Variants in DYNC2H1 observed in about 807,000 individuals in gnomAD.
The protein encoded by DYNC2H1 is dynein cytoplasmic 2 heavy chain 1, also known as cytoplasmic dynein 2 heavy chain 1.
Under a neutral mutation model 570.0 loss-of-function variants are expected in DYNC2H1, and 410 were observed. The ratio of observed to expected loss-of-function variants is 0.72; its 90% confidence interval spans 0.66 to 0.78. The LOEUF is 0.78. Ranked by LOEUF, DYNC2H1 falls within the 30% of genes least tolerant of loss-of-function variation. DYNC2H1 has a pLI of 0.00. For missense variants in DYNC2H1, 4,865 were observed against 5,046.4 expected (o/e 0.96, Z 1.09); for synonymous variants, 1,688 against 1,677.6 (o/e 1.01, Z -0.15).
Position 103,220,773 on chromosome 11 carries a change from A to T in DYNC2H1, c.9097A>T (p.Ser3033Cys), listed in dbSNP as rs1372583837. Residue 3033 changes from serine (S) to cysteine (C), a missense_variant, in exon 57 of 89, where the codon AGC becomes TGC. Transcript: ENST00000375735. ...LMGIFDTSWV[S>C]MKSFLAKRGV... ...GGGTATCTTTGATACATCTTGGGTG[A>T]GCATGAAAAGGTACATTTTTCAATT... is the stretch of plus-strand genomic sequence containing the variant. 1 of 1,601,478 alleles carries T rather than the reference A, an allele frequency of 6.2e-7. No homozygotes were observed. The highest frequency in any genetic ancestry group is 1.7e-5 in the Admixed American group (1 of 57,780).
At chr11:103,338,681 T>C (rs548141912) in intron 82 of DYNC2H1, among the ~76,000 whole-genome samples, 1 of 152,370 alleles carries the variant, frequency 6.6e-6, no homozygotes, top group African/African-American at 2.4e-5. Context: ...TTAAAAATTA[T>C]ATGAATCTCT....
At chr11:103,449,680 CTTAA>C (rs1020096280) in intron 85 of DYNC2H1, among the ~76,000 whole-genome samples, 1 of 137,930 alleles carries the variant, frequency 7.3e-6, no homozygotes, top group Non-Finnish European at 1.6e-5. Flanking sequence ...CATTATTATT[CTTAA>C]TTAGAATATT....
chr11:103,312,517 G>C (rs1239757020), intron 79 of DYNC2H1, among the ~76,000 whole-genome samples: 3 of 137,790 alleles, frequency 2.2e-5, no homozygotes, highest in African/African-American at 8.1e-5. Context: ...ATTCCAGCCT[G>C]GGTGACAGAA....
intron 18 of DYNC2H1, among the ~76,000 whole-genome samples, chr11:103,147,182 T>C (rs922799661): frequency 9.2e-5 from 14 of 152,218 alleles, no homozygotes; most frequent in Non-Finnish European, 1.6e-4. Flanking sequence ...TGTACATTGC[T>C]CTTTACAAAG....
At chr11:103,274,821 G>A (rs1309109099) in intron 70 of DYNC2H1, among the ~76,000 whole-genome samples, 2 of 152,138 alleles carry the variant, frequency 1.3e-5, no homozygotes, top group African/African-American at 2.4e-5. Context: ...TAGGCTGGGC[G>A]TGGTGGCTCA....
chr11:103,282,324 T>C, intron 72 of DYNC2H1, 95 bp downstream of exon 72: 1 of 1,071,158 alleles, frequency 9.3e-7, no homozygotes, highest in Non-Finnish European at 1.4e-6. Flanking sequence ...TGTTCTAAAT[T>C]ATTGTTGAAG....
At chr11:103,445,281 G>T (rs1004007554) in intron 85 of DYNC2H1, among the ~76,000 whole-genome samples, 1 of 152,164 alleles carries the variant, frequency 6.6e-6, no homozygotes, top group African/African-American at 2.4e-5. Context: ...TCAGCATTTA[G>T]TATATGAAAC....
In DYNC2H1 at chr11:103,168,908, C is replaced by A. The variant is rs200239560; in HGVS notation, c.4916C>A (p.Thr1639Lys). The A allele has an allele frequency of 3.2e-4, 518 of 1,612,610 alleles. No individual in the cohort carries two copies. The highest frequency in any genetic ancestry group is 4.2e-4 in the Non-Finnish European group (497 of 1,179,376). ...AGATTCTATATGAAAAGTGATCATA[C>A]ATGTTGTGTTCAAATGGTGGATTCT... ...QLRFYMKSDH[T>K]CCVQMVDSEF... The change falls in exon 32 of 89, where the codon ACA becomes AAA. Residue 1639 changes from threonine (T) to lysine (K), a missense_variant. Transcript: ENST00000375735.
intron 69 of DYNC2H1, among the ~76,000 whole-genome samples, chr11:103,258,843 G>A (rs1161458858): frequency 6.6e-6 from 1 of 152,140 alleles, no homozygotes; most frequent in African/African-American, 2.4e-5. Context: ...GATCTTGTAG[G>A]TACAGTACTG....
chr11:103,438,338 A>G (rs115411348), intron 85 of DYNC2H1, among the ~76,000 whole-genome samples: 126 of 152,138 alleles, frequency 8.3e-4, no homozygotes, highest in African/African-American at 2.9e-3. Context: ...TCTCTGTTTC[A>G]CAAGTACATA....
At chr11:103,316,429 C>T (rs1937845190) in intron 79 of DYNC2H1, 116 bp from the exon 80 acceptor site, 1 of 629,610 alleles carries the variant, frequency 1.6e-6, no homozygotes, top group Non-Finnish European at 2.5e-6. Context: ...TAAAAATTCT[C>T]AGGAGTTATA....
Position 103,134,425 on chromosome 11 carries a change from G to C in DYNC2H1, c.2205+6G>C. Reference sequence around the variant, plus strand: ...TAGCAACTGTAGAAGCACAGGTAGAGTATGTTTTATTTTGTGTGTATACTT... The same window carrying C: ...TAGCAACTGTAGAAGCACAGGTAGACTATGTTTTATTTTGTGTGTATACTT... On this transcript the variant is annotated splice_donor_region_variant and intron_variant, in intron 15 of 88. Transcript: ENST00000375735. 6.2e-7 allele frequency: 1 copy of C among 1,604,230 alleles called. No homozygotes were observed. The highest frequency in any genetic ancestry group is 1.3e-5 in the African/African-American group (1 of 74,730).
chr11:103,127,639 A>G (rs189772542), intron 12 of DYNC2H1, among the ~76,000 whole-genome samples: 185 of 152,362 alleles, frequency 1.2e-3, no homozygotes, highest in Non-Finnish European at 2.2e-3. Flanking sequence ...GTTTCCTTAA[A>G]TGCCTTAGAC....
At position 103,201,649 on chromosome 11, in the gene DYNC2H1, C is replaced by T. The variant is rs995152766; in HGVS notation, c.8197+1495C>T. 6.6e-6 allele frequency among the ~76,000 whole-genome samples: 1 copy of T among 152,166 alleles called. No homozygotes were observed. Among genetic ancestry groups the T allele is most frequent in the African/African-American group, 2.4e-5 (1 of 41,444 alleles). On this transcript the variant is annotated intron_variant, in intron 50 of 88. Transcript: ENST00000375735. This position sits in a 1 kb window ranked among gnomAD's most constrained non-coding sequence, Gnocchi z 4.8. ...AACTAAGAACTGTTGCTACTCTTCTCCTGTGGCTCTGTCCCCAGCAAACTG... is the reference window on the plus strand; with the variant it reads ...AACTAAGAACTGTTGCTACTCTTCTTCTGTGGCTCTGTCCCCAGCAAACTG...
chr11:103,255,833 A>T (rs1865035061), intron 67 of DYNC2H1, among the ~76,000 whole-genome samples: 1 of 152,034 alleles, frequency 6.6e-6, no homozygotes, highest in Non-Finnish European at 1.5e-5. Context: ...CTGTAACTTT[A>T]AGTAGTTTTT....
chr11:103,227,568 C>G (rs1472606547), intron 59 of DYNC2H1, among the ~76,000 whole-genome samples: 1 of 152,078 alleles, frequency 6.6e-6, no homozygotes, highest in East Asian at 1.9e-4. Context: ...TTTCGATTTT[C>G]TTAAATGTAC....
At chr11:103,311,561 TATTAA>T (rs904809282) in intron 78 of DYNC2H1, among the ~76,000 whole-genome samples, 20 of 151,642 alleles carry the variant, frequency 1.3e-4, no homozygotes, top group Non-Finnish European at 2.6e-4. Context: ...ACATTAGTAT[TATTAA>T]GTAGTGATTT....
At position 103,239,888 on chromosome 11, in the gene DYNC2H1, A is replaced by C. The variant is rs1864362735; in HGVS notation, c.9819+3349A>C. Among the ~76,000 whole-genome samples, 1 of 152,102 alleles carries C rather than the reference A, an allele frequency of 6.6e-6. No individual in the cohort carries two copies. The highest frequency in any genetic ancestry group is 2.4e-5 in the African/African-American group (1 of 41,416). ...TCTTTTTTTCCCCCAAGGAGAGAAG[A>C]ATTTAAATAGAGATTATGTATCTTT... On this transcript the variant is annotated intron_variant, in intron 63 of 88. Transcript: ENST00000375735. This position sits in a 1 kb window ranked among gnomAD's most constrained non-coding sequence, Gnocchi z 4.3.
chr11:103,133,726 A>G lies in DYNC2H1; in HGVS notation c.2106+19A>G. The G allele has an allele frequency of 6.4e-7, 1 of 1,556,354 alleles. No homozygotes were observed. The highest frequency in any genetic ancestry group is 8.7e-7 in the Non-Finnish European group (1 of 1,150,924). On this transcript the variant is annotated intron_variant, in intron 14 of 88. Coordinates refer to ENST00000375735, the MANE Select transcript of DYNC2H1 (RefSeq NM_001377.3). The surrounding 1 kb of genome is among the most constrained non-coding windows in gnomAD (Gnocchi z 4.8). ...TGAAAAGGTATATTTTGTTTATAAA[A>G]TTGAATAAGCTATGAATGATATTAT...
Sources: gnomAD v4.1 joint callset for allele counts (sites outside exome capture counted in the v4.1 genomes callset) on GRCh38, gnomAD v4.1.1 for gene constraint, Gnocchi (gnomAD v3.1) non-coding constraint, MANE v1.5 for transcripts, NCBI Gene and HGNC (gene_info 2026-07-23, HGNC 2026-07-21) for gene names.